The following SCARA5 variants were observed in gnomAD, a reference collection of about 807,000 sequenced individuals.
The protein encoded by SCARA5 is scavenger receptor class A member 5, also known as scavenger receptor class A, member 5 (putative).
Under a neutral mutation model 46.3 loss-of-function variants are expected in SCARA5, and 45 were observed. The ratio of observed to expected loss-of-function variants is 0.97; its 90% CI spans 0.76 to 1.24. The LOEUF (loss-of-function observed/expected upper bound fraction) is 1.24, where lower values mean the gene tolerates loss of function less well. Among genes scored for constraint, SCARA5 ranks in the 50% most tolerant of loss-of-function variants. SCARA5 has a pLI of 0.00. For synonymous variants in SCARA5, 333 were observed against 306.5 expected (o/e 1.09, Z -0.90); for missense variants, 680 against 689.0 (o/e 0.99, Z 0.15).
At chr8:27,879,903 C>T in intron 7 of SCARA5, 137 bp from the exon 8 acceptor site, 1 of 777,570 alleles carries the variant, frequency 1.3e-6, no homozygotes, top group Non-Finnish European at 2.0e-6. Flanking sequence ...CTTCAGCCCC[C>T]AAATCACCCT....
Position 27,935,716 on chromosome 8 carries a change from G to A in SCARA5, c.242-13471C>T, listed in dbSNP as rs148195139. 5.1e-3 allele frequency among the ~76,000 whole-genome samples: 781 copies of A among 152,314 alleles called. 9 individuals are homozygous for A. Among genetic ancestry groups the A allele is most frequent in the African/African-American group, 0.017 (718 of 41,572 alleles). ...CAGATCCCTGGGCCAACAATGACACGTCTGGATTCTAGGACCAGGCTGTTG... is the reference window on the plus strand; with the variant it reads ...CAGATCCCTGGGCCAACAATGACACATCTGGATTCTAGGACCAGGCTGTTG... On this transcript the variant is annotated intron_variant, in intron 3 of 8. Transcript: ENST00000354914.
chr8:27,942,958 C>A (rs1807976244), intron 3 of SCARA5, among the ~76,000 whole-genome samples: 1 of 152,210 alleles, frequency 6.6e-6, no homozygotes, highest in African/African-American at 2.4e-5. Flanking sequence ...TCTGCAAACA[C>A]ACTGCTTCTT....
intron 2 of SCARA5, among the ~76,000 whole-genome samples, chr8:27,982,062 G>A (rs1366823229): frequency 1.3e-5 from 2 of 152,184 alleles, no homozygotes; most frequent in African/African-American, 4.8e-5. Flanking sequence ...TGGGGAGGCC[G>A]GGCCTGGAGG....
intron 2 of SCARA5, among the ~76,000 whole-genome samples, chr8:27,981,486 G>C (rs1183871362): frequency 6.6e-6 from 1 of 152,224 alleles, no homozygotes; most frequent in Non-Finnish European, 1.5e-5. Flanking sequence ...GGAGGAGTAA[G>C]TGCTCCAGCT....
chr8:27,947,374 G>C (rs1294185605), intron 3 of SCARA5, among the ~76,000 whole-genome samples: 1 of 152,134 alleles, frequency 6.6e-6, no homozygotes, highest in Non-Finnish European at 1.5e-5. Flanking sequence ...TCTGCTTCTG[G>C]GTACAAGCCC....
chr8:27,984,936 CATCCATTCATTCATCCATCT>C (rs1451971203), intron 2 of SCARA5, among the ~76,000 whole-genome samples: 1 of 151,880 alleles, frequency 6.6e-6, no homozygotes, highest in Non-Finnish European at 1.5e-5. Flanking sequence ...CCCATTCATC[CATCCATTCATTCATCCATCT>C]ATCCATTCAT....
At chr8:27,928,665 TTTTC>T (rs1183831930) in intron 3 of SCARA5, among the ~76,000 whole-genome samples, 2 of 152,274 alleles carry the variant, frequency 1.3e-5, no homozygotes, top group African/African-American at 2.4e-5. Flanking sequence ...TTTTCTTTTT[TTTTC>T]TTTCTTTCTT....
At chr8:27,980,638 C>A (rs1808600284) in intron 2 of SCARA5, among the ~76,000 whole-genome samples, 1 of 152,204 alleles carries the variant, frequency 6.6e-6, no homozygotes, top group African/African-American at 2.4e-5. Flanking sequence ...CTGGAAACAG[C>A]AGCCTCTACC....
intron 3 of SCARA5, among the ~76,000 whole-genome samples, chr8:27,958,393 G>C (rs1471056298): frequency 6.6e-6 from 1 of 152,210 alleles, no homozygotes; most frequent in East Asian, 1.9e-4. Flanking sequence ...GGTGGGGGCA[G>C]GGGAAGTACA....
chr8:27,924,737 C>T (rs1016675205), intron 3 of SCARA5, among the ~76,000 whole-genome samples: 1 of 152,094 alleles, frequency 6.6e-6, no homozygotes, highest in Admixed American at 6.6e-5. Context: ...TTTAGAAAAC[C>T]CCATCATCTC....
chr8:27,880,564 G>A (rs190266601), intron 7 of SCARA5, among the ~76,000 whole-genome samples: 23 of 152,166 alleles, frequency 1.5e-4, no homozygotes, highest in African/African-American at 4.6e-4. Flanking sequence ...GCAAAAGAGC[G>A]GCTGGGCTTG....
chr8:27,922,806 G>A (rs1231472082), intron 3 of SCARA5, among the ~76,000 whole-genome samples: 4 of 152,192 alleles, frequency 2.6e-5, no homozygotes, highest in Non-Finnish European at 5.9e-5. Context: ...TCTTTAGGAG[G>A]TGATTGAGTC....
chr8:27,935,207 G>T (rs1015976368), intron 3 of SCARA5, among the ~76,000 whole-genome samples: 7 of 152,156 alleles, frequency 4.6e-5, no homozygotes, highest in African/African-American at 1.2e-4. Context: ...CTGTCTCATT[G>T]GTGGTAATTT....
At position 27,870,300 on chromosome 8, in the gene SCARA5, A is replaced by T. The variant is rs564062146; in HGVS notation, c.*1634T>A. ...TAAAAAGTGCTATGTTTATATATGC[A>T]TACATATATGGGCTCTGGCAAGGGA... On this transcript the variant is annotated 3_prime_UTR_variant, in exon 9 of 9. Transcript: ENST00000354914. The T allele has an allele frequency of 6.6e-6, 1 of 151,076 alleles. No individual in the cohort carries two copies. The highest frequency in any genetic ancestry group is 1.5e-5 in the Non-Finnish European group (1 of 67,906). 9.4% of individuals were successfully genotyped at this position (151,076 alleles called of 1,614,324 possible).
At chr8:27,929,521 C>T (rs1025682431) in intron 3 of SCARA5, among the ~76,000 whole-genome samples, 1 of 152,126 alleles carries the variant, frequency 6.6e-6, no homozygotes, top group Admixed American at 6.5e-5. Context: ...GCATCCATTG[C>T]CTCACTTAAT....
At chr8:27,913,959 T>A (rs904771674) in intron 4 of SCARA5, among the ~76,000 whole-genome samples, 4 of 152,194 alleles carry the variant, frequency 2.6e-5, no homozygotes, top group Admixed American at 2.0e-4. Flanking sequence ...ACTGCCTTCA[T>A]GCCCACTGAT....
At chr8:27,874,016 G>A (rs1005415309) in intron 8 of SCARA5, among the ~76,000 whole-genome samples, 2 of 152,110 alleles carry the variant, frequency 1.3e-5, no homozygotes, top group Non-Finnish European at 2.9e-5. Context: ...TGCCAGCTTG[G>A]GTGACAGAGC....
At chr8:27,941,777 C>A (rs1192515670) in intron 3 of SCARA5, among the ~76,000 whole-genome samples, 1 of 149,638 alleles carries the variant, frequency 6.7e-6, no homozygotes, top group African/African-American at 2.5e-5. Flanking sequence ...TCTTGACCAA[C>A]ATTTAATCCC....
chr8:27,906,306 G>T (rs926263211), intron 6 of SCARA5, among the ~76,000 whole-genome samples: 6 of 152,214 alleles, frequency 3.9e-5, no homozygotes, highest in African/African-American at 1.4e-4. Context: ...AGACAATCTT[G>T]AAGCGAGCAT....
Sources: gnomAD v4.1 joint callset for allele counts (sites outside exome capture counted in the v4.1 genomes callset) on GRCh38, gnomAD v4.1.1 for gene constraint, MANE v1.5 for transcripts, NCBI Gene and HGNC (gene_info 2026-07-23, HGNC 2026-07-21) for gene names.